Variants in CFAP54 observed in about 807,000 individuals in gnomAD.
CFAP54 encodes the protein cilia- and flagella-associated protein 54.
In CFAP54, 290 loss-of-function variants were observed where a neutral mutation model predicts 370.4. That is an observed-to-expected ratio of 0.78 (90% CI 0.71 to 0.86). The LOEUF (loss-of-function observed/expected upper bound fraction) is 0.86, where lower values mean the gene tolerates loss of function less well. CFAP54 is among the 40% of genes least tolerant of loss of function. The pLI is 0.00. For missense variants in CFAP54, 3,399 were observed against 3,528.7 expected (o/e 0.96, Z 0.93); for synonymous variants, 1,206 against 1,236.5 (o/e 0.98, Z 0.52).
intron 1 of CFAP54, among the ~76,000 whole-genome samples, chr12:96,498,111 TC>T (rs1326744358): frequency 1.3e-5 from 2 of 152,180 alleles, no homozygotes; most frequent in African/African-American, 4.8e-5. Flanking sequence ...CAATAAATGA[TC>T]CTGGAACAAC....
At chr12:96,755,240 A>G (rs536217311) in intron 56 of CFAP54, among the ~76,000 whole-genome samples, 92 of 152,278 alleles carry the variant, frequency 6.0e-4, no homozygotes, top group African/African-American at 2.1e-3. Context: ...GCAATTGTAT[A>G]TATTTATGGG....
chr12:96,635,904 C>A (rs918500205), intron 32 of CFAP54, among the ~76,000 whole-genome samples: 1 of 152,128 alleles, frequency 6.6e-6, no homozygotes, highest in Non-Finnish European at 1.5e-5. Flanking sequence ...CACCACCCTC[C>A]TAGCTTGTGG....
intron 67 of CFAP54, among the ~76,000 whole-genome samples, chr12:96,865,696 C>T (rs1033049980): frequency 6.6e-6 from 1 of 152,108 alleles, no homozygotes; most frequent in Admixed American, 6.6e-5. Flanking sequence ...GATTCCCTTC[C>T]TCATCTTGTT....
At position 96,594,440 on chromosome 12, in the gene CFAP54, T is replaced by A; in HGVS notation, c.3510T>A (p.Val1170=). 1 of 1,526,800 alleles carries A rather than the reference T, an allele frequency of 6.5e-7. No individual in the cohort carries two copies. Among genetic ancestry groups the A allele is most frequent in the Non-Finnish European group, 8.8e-7 (1 of 1,139,934 alleles). The allele number at this position is 1,526,800 out of a possible 1,614,324, so 94.6% of individuals were successfully genotyped here. Residue 1170 remains valine, a synonymous_variant, in exon 25 of 68, where the codon GTT becomes GTA. Coordinates refer to ENST00000524981, the MANE Select transcript of CFAP54 (RefSeq NM_001306084.2). ...ATCACAATATTGTTTTGGTACCTGT[T>A]GTACAGGTAAGGGTATTCCTCTCCC... ...IIYHNIVLVP[V]VQILIKCIVV...
intron 17 of CFAP54, among the ~76,000 whole-genome samples, chr12:96,563,602 C>T (rs1955836979): frequency 6.6e-6 from 1 of 152,180 alleles, no homozygotes. Context: ...CAGATGTTTC[C>T]TTACCCTTTG....
intron 26 of CFAP54, among the ~76,000 whole-genome samples, chr12:96,619,370 G>T (rs1308767589): frequency 6.6e-6 from 1 of 152,100 alleles, no homozygotes; most frequent in East Asian, 1.9e-4. Context: ...TTTCTCTTAG[G>T]ACATGTAAAA....
rs144792264 is a variant in CFAP54, at chr12:96,694,999, C to T, written c.6351+1191C>T. On this transcript the variant is annotated intron_variant, in intron 45 of 67. Coordinates refer to ENST00000524981, the MANE Select transcript of CFAP54 (RefSeq NM_001306084.2). ...TTGCACCACTGCACTCCAGCCTGGG[C>T]GACAGGGCGAGACTCCGTGTCAAAA... is the stretch of plus-strand genomic sequence containing the variant. Among the ~76,000 whole-genome samples, 467 of 151,734 alleles carry T rather than the reference C, an allele frequency of 3.1e-3. 2 individuals are homozygous for T. The highest frequency in any genetic ancestry group is 0.011 in the African/African-American group (448 of 41,334).
intron 48 of CFAP54, among the ~76,000 whole-genome samples, chr12:96,714,469 A>G (rs1957652382): frequency 6.6e-6 from 1 of 152,198 alleles, no homozygotes; most frequent in Admixed American, 6.5e-5. Context: ...GTTCAGATGG[A>G]GAAGAGACAG....
chr12:96,770,291 G>A (rs1259143668), intron 60 of CFAP54, among the ~76,000 whole-genome samples: 1 of 152,050 alleles, frequency 6.6e-6, no homozygotes, highest in African/African-American at 2.4e-5. Context: ...CAGTGAAGCA[G>A]ACTTGTCTTG....
In CFAP54 at chr12:96,745,629, G is replaced by A. The variant is rs182782375; in HGVS notation, c.7684+1483G>A. 7.3e-3 allele frequency among the ~76,000 whole-genome samples: 1,089 copies of A among 150,204 alleles called. 16 individuals carry two copies. The highest frequency in any genetic ancestry group is 0.026 in the African/African-American group (1,037 of 39,722). ...TTTTCTCCCATTCTGTAGGTTGTCTGTTCATTCTGATGATAGTTTCTTTTG... is the reference window on the plus strand; with the variant it reads ...TTTTCTCCCATTCTGTAGGTTGTCTATTCATTCTGATGATAGTTTCTTTTG... On this transcript the variant is annotated intron_variant, in intron 55 of 67. Coordinates refer to ENST00000524981, the MANE Select transcript of CFAP54 (RefSeq NM_001306084.2).
intron 66 of CFAP54, among the ~76,000 whole-genome samples, chr12:96,855,634 C>T (rs1481831147): frequency 6.6e-6 from 1 of 152,234 alleles, no homozygotes; most frequent in Non-Finnish European, 1.5e-5. Context: ...ATGTCACACA[C>T]CCAGGGCTTG....
Position 96,863,801 on chromosome 12 carries a change from C to CT in CFAP54, c.*14+2861dup, listed in dbSNP as rs950749178. Among the ~76,000 whole-genome samples, 1,025 of 147,294 alleles carry CT rather than the reference C, an allele frequency of 7.0e-3. 11 individuals are homozygous for CT. The highest frequency in any genetic ancestry group is 0.015 in the African/African-American group (601 of 40,334). On this transcript the variant is annotated intron_variant, in intron 67 of 67. Coordinates refer to ENST00000524981, the MANE Select transcript of CFAP54 (RefSeq NM_001306084.2). ...AACTATTGCAGATAACATTTCAGCA[C>CT]TTTTTTTTTTTTACTTTTTCTTCAC... is the stretch of plus-strand genomic sequence containing the variant.
intron 67 of CFAP54, among the ~76,000 whole-genome samples, chr12:96,869,762 C>T (rs754193149): frequency 6.6e-6 from 1 of 151,428 alleles, no homozygotes; most frequent in Non-Finnish European, 1.5e-5. Flanking sequence ...ATGGCGAAAC[C>T]CTGTCTCTAC....
chr12:96,517,286 A>G (rs1175870061), intron 5 of CFAP54, among the ~76,000 whole-genome samples: 1 of 152,186 alleles, frequency 6.6e-6, no homozygotes, highest in East Asian at 1.9e-4. Context: ...TCTTTTGATT[A>G]GAGTGAGTTT....
intron 46 of CFAP54, among the ~76,000 whole-genome samples, chr12:96,701,056 T>C (rs1408669102): frequency 6.6e-6 from 1 of 152,184 alleles, no homozygotes; most frequent in Admixed American, 6.6e-5. Context: ...AGCATTATAA[T>C]TTATTGTAAT....
chr12:96,817,816 T>G lies in CFAP54; in HGVS notation c.8999T>G (p.Ile3000Arg), dbSNP rs1460503583. The change falls in exon 65 of 68, where the codon ATA becomes AGA. Residue 3000 changes from isoleucine to arginine, a missense_variant. Ile to Arg is a moderately conservative substitution (Grantham distance 97). Around this residue, in one of 3 missense-constraint regions of CFAP54, gnomAD observed 2,796 missense variants for 2,869.7 expected, o/e 0.97. Coordinates refer to ENST00000524981, the MANE Select transcript of CFAP54 (RefSeq NM_001306084.2). ...IHEKLSNLAQ[I>R]AELSLPAAPE... ...GAGAAATTATCTAATCTTGCTCAAA[T>G]AGCTGAACTATCATTGCCAGCAGCT... The G allele has an allele frequency of 4.6e-6, 7 of 1,510,428 alleles. No homozygotes were observed. Among genetic ancestry groups the G allele is most frequent in the African/African-American group, 1.4e-5 (1 of 72,310 alleles). 93.6% of individuals were successfully genotyped at this position (1,510,428 alleles called of 1,614,324 possible).
intron 1 of CFAP54, among the ~76,000 whole-genome samples, chr12:96,493,654 C>T (rs879424086): frequency 3.9e-5 from 6 of 152,048 alleles, no homozygotes; most frequent in African/African-American, 1.2e-4. Context: ...AAAAATTAGT[C>T]GGGCGTGGTG....
At chr12:96,510,144 T>A (rs1436220481) in intron 4 of CFAP54, among the ~76,000 whole-genome samples, 1 of 151,204 alleles carries the variant, frequency 6.6e-6, no homozygotes, top group Non-Finnish European at 1.5e-5. Flanking sequence ...TCACAGCTAC[T>A]TGGGAGGCTG....
In CFAP54 at chr12:96,662,061, C is replaced by T. The variant is rs144199188; in HGVS notation, c.5461-1769C>T. ...ATACAATCCAAATTGGAGCACTGCT[C>T]GCTACCTCCAACACTCCCTCTTTAA... On this transcript the variant is annotated intron_variant, in intron 38 of 67. Transcript: ENST00000524981. Among the ~76,000 whole-genome samples the T allele has an allele frequency of 4.8e-3, 727 of 152,248 alleles. 4 individuals are homozygous for T. The highest frequency in any genetic ancestry group is 0.016 in the African/African-American group (682 of 41,556).
Sources: gnomAD v4.1 joint callset for allele counts (sites outside exome capture counted in the v4.1 genomes callset) on GRCh38, gnomAD v4.1.1 for gene constraint, gnomAD v4.1.1 regional missense constraint, MANE v1.5 for transcripts, NCBI Gene and HGNC (gene_info 2026-07-23, HGNC 2026-07-21) for gene names.